The following COL6A6 variants were observed in gnomAD, a reference collection of about 807,000 sequenced individuals.
COL6A6 encodes collagen alpha-6(VI) chain.
COL6A6 carries 183 observed loss-of-function variants against 208.6 expected under a neutral mutation model. The observed-to-expected ratio is 0.88, with a 90% confidence interval of 0.78 to 0.99. COL6A6 has a LOEUF of 0.99. Among genes scored for constraint, COL6A6 ranks in the 50% least tolerant of loss-of-function variants. The pLI is 0.00. For synonymous variants in COL6A6, 973 were observed against 1,011.8 expected (o/e 0.96, Z 0.73); for missense variants, 2,816 against 2,815.2 (o/e 1.00, Z -0.01).
At position 130,551,197 on chromosome 3, in the gene COL6A6, G is replaced by T. The variant is rs1023469555; in HGVS notation, c.-31-9137G>T. On this transcript the variant is annotated intron_variant, in intron 1 of 36. Coordinates refer to ENST00000358511, the MANE Select transcript of COL6A6 (RefSeq NM_001102608.3). ...TGCTGGCATCACAGAATGAGTTAGGGAGGAGTCCCTCCACCTCAAGTTTTA... is the reference window on the plus strand; with the variant it reads ...TGCTGGCATCACAGAATGAGTTAGGTAGGAGTCCCTCCACCTCAAGTTTTA... 6.6e-5 allele frequency among the ~76,000 whole-genome samples: 10 copies of T among 152,224 alleles called. No individual in the cohort carries two copies. In the East Asian group the frequency reaches 1.7e-3, roughly 26 times the overall value.
chr3:130,533,350 C>T (rs1441014127), intron 1 of COL6A6, among the ~76,000 whole-genome samples: 1 of 151,722 alleles, frequency 6.6e-6, no homozygotes, highest in Non-Finnish European at 1.5e-5. Flanking sequence ...CTCCTTGCCA[C>T]TTACCCTCCA....
At chr3:130,556,095 C>T (rs1229590688) in intron 1 of COL6A6, among the ~76,000 whole-genome samples, 3 of 152,110 alleles carry the variant, frequency 2.0e-5, no homozygotes, top group Non-Finnish European at 2.9e-5. Context: ...TCCATGGGTA[C>T]ACTCTATTTA....
At chr3:130,619,837 A>G (rs2064656612) in intron 23 of COL6A6, among the ~76,000 whole-genome samples, 1 of 152,174 alleles carries the variant, frequency 6.6e-6, no homozygotes, top group Non-Finnish European at 1.5e-5. Flanking sequence ...AAAGGGTGAT[A>G]CTATTCCTTG....
intron 8 of COL6A6, among the ~76,000 whole-genome samples, chr3:130,579,212 C>T (rs1470950877): frequency 6.6e-6 from 1 of 152,162 alleles, no homozygotes; most frequent in Admixed American, 6.5e-5. Context: ...ATCATCAGCT[C>T]CAATTAAGTA....
intron 1 of COL6A6, among the ~76,000 whole-genome samples, chr3:130,546,981 T>C (rs547211098): frequency 1.3e-5 from 2 of 152,324 alleles, no homozygotes; most frequent in Admixed American, 1.3e-4. Flanking sequence ...CCCACCCAAC[T>C]CAGGAGCCCA....
chr3:130,598,581 T>G (rs1375900319), intron 19 of COL6A6, among the ~76,000 whole-genome samples, 151 bp downstream of exon 19: 1 of 152,228 alleles, frequency 6.6e-6, no homozygotes, highest in Non-Finnish European at 1.5e-5. Flanking sequence ...TGATCTTTTC[T>G]CCTGCCTATG....
At position 130,567,032 on chromosome 3, in the gene COL6A6, C is replaced by T. The variant is rs1169902504; in HGVS notation, c.1613C>T (p.Pro538Leu). Residue 538 changes from proline (P) to leucine (L), a missense_variant, in exon 5 of 37, where the codon CCA becomes CTA. By Grantham distance (98) the Pro-to-Leu change is moderately conservative. Coordinates refer to ENST00000358511, the MANE Select transcript of COL6A6 (RefSeq NM_001102608.3). ...AAGAAGCAGCGAGGAAACAAAGTTC[C>T]ATGCCACCTTGTTGTCCTGACAAAT... is the stretch of plus-strand genomic sequence containing the variant. ...KAKKQRGNKV[P>L]CHLVVLTNGM... 1.2e-6 allele frequency: 2 copies of T among 1,614,052 alleles called. No individual in the cohort carries two copies. The highest frequency in any genetic ancestry group is 2.2e-5 in the East Asian group (1 of 44,892).
chr3:130,592,978 C>G (rs2063756053), intron 15 of COL6A6, 83 bp from the exon 16 acceptor site: 3 of 1,316,668 alleles, frequency 2.3e-6, no homozygotes, highest in Non-Finnish European at 3.3e-6. Flanking sequence ...ATGTGAAACA[C>G]AAAAATAGAG....
chr3:130,614,995 C>G (rs1032573494), intron 23 of COL6A6, among the ~76,000 whole-genome samples: 1 of 151,938 alleles, frequency 6.6e-6, no homozygotes, highest in Non-Finnish European at 1.5e-5. Flanking sequence ...TTCTGTATCT[C>G]AGTTTCCTTC....
Position 130,634,516 on chromosome 3 carries a change from G to A in COL6A6, c.4993-74G>A, listed in dbSNP as rs370121104. 1,504 of 1,346,676 alleles carry A rather than the reference G, an allele frequency of 1.1e-3. 5 individuals carry two copies. The highest frequency in any genetic ancestry group is 2.0e-3 in the Middle Eastern group (11 of 5,580). The allele number at this position is 1,346,676 out of a possible 1,614,324, so 83.4% of individuals were successfully genotyped here. On this transcript the variant is annotated intron_variant, in intron 26 of 36. Transcript: ENST00000358511. ...GGTACCAAAACTACACAGGGCAGCA[G>A]GTAAATTGAAAATCAATGTAGACTT... is the stretch of plus-strand genomic sequence containing the variant.
chr3:130,671,800 C>T (rs1337055285), intron 36 of COL6A6, among the ~76,000 whole-genome samples: 1 of 152,124 alleles, frequency 6.6e-6, no homozygotes, highest in Non-Finnish European at 1.5e-5. Flanking sequence ...CACAAGCTAC[C>T]AAGGAGACAG....
At chr3:130,620,400 G>T (rs756828711) in intron 23 of COL6A6, among the ~76,000 whole-genome samples, 1 of 152,160 alleles carries the variant, frequency 6.6e-6, no homozygotes, top group Non-Finnish European at 1.5e-5. Flanking sequence ...GAAGACCATG[G>T]TTACTTGGTG....
At chr3:130,526,804 T>C (rs532662627) in intron 1 of COL6A6, among the ~76,000 whole-genome samples, 1 of 149,236 alleles carries the variant, frequency 6.7e-6, no homozygotes, top group Admixed American at 6.6e-5. Flanking sequence ...GACTATATGC[T>C]CCATGAGATA....
chr3:130,619,350 T>A (rs778440589), intron 23 of COL6A6, among the ~76,000 whole-genome samples: 10 of 151,966 alleles, frequency 6.6e-5, no homozygotes, highest in Non-Finnish European at 1.0e-4. Flanking sequence ...GGGAAAAAAA[T>A]GGACCAGCTG....
At position 130,574,170 on chromosome 3, in the gene COL6A6, A is replaced by G; in HGVS notation, c.3192A>G (p.Ser1064=). The part of the protein sequence containing the change: ...LGTFIGEKEI[S]FQIENIKQIF... ...CTTTCATAGGTGAAAAAGAGATATC[A>G]TTTCAGATTGAAAACATCAAGCAGA... Residue 1064 remains serine (S), a synonymous_variant, in exon 8 of 37, where the codon TCA becomes TCG. Transcript: ENST00000358511. 6.2e-7 allele frequency: 1 copy of G among 1,614,046 alleles called. No individual in the cohort carries two copies. The highest frequency in any genetic ancestry group is 8.5e-7 in the Non-Finnish European group (1 of 1,179,898).
At chr3:130,566,505 T>A (rs1004027211) in intron 4 of COL6A6, among the ~76,000 whole-genome samples, 197 bp from the exon 5 acceptor site, 17 of 152,242 alleles carry the variant, frequency 1.1e-4, no homozygotes, top group Non-Finnish European at 2.5e-4. Context: ...GGGGCAATAG[T>A]CTTAAAGTGT....
chr3:130,656,686 C>T (rs2065797215), intron 33 of COL6A6, among the ~76,000 whole-genome samples: 1 of 152,214 alleles, frequency 6.6e-6, no homozygotes, highest in Non-Finnish European at 1.5e-5. Flanking sequence ...CTGCCTCCTT[C>T]TGTCATCCAG....
At chr3:130,642,954 TTTAA>T (rs1374246598) in intron 30 of COL6A6, 29 bp from the exon 31 acceptor site, 1 of 1,613,640 alleles carries the variant, frequency 6.2e-7, no homozygotes, top group African/African-American at 1.3e-5. Flanking sequence ...CAGTTTGTTG[TTTAA>T]TTGTTTCTGT....
chr3:130,526,121 A>T (rs2061955985), intron 1 of COL6A6, among the ~76,000 whole-genome samples: 1 of 152,150 alleles, frequency 6.6e-6, no homozygotes, highest in Non-Finnish European at 1.5e-5. Flanking sequence ...TGCTACCTTA[A>T]TTAAGAAATT....
Sources: allele counts gnomAD v4.1 joint callset (sites outside exome capture counted in the v4.1 genomes callset), GRCh38; gene constraint gnomAD v4.1.1; transcripts MANE v1.5; gene names NCBI Gene and HGNC (gene_info 2026-07-23, HGNC 2026-07-21).